Variants in PCED1B observed in about 807,000 individuals in gnomAD.
PCED1B encodes PC-esterase domain containing 1B, also known as PC-esterase domain-containing protein 1B.
For synonymous variants in PCED1B, 251 were observed against 246.1 expected (o/e 1.02, Z -0.19); for missense variants, 573 against 573.9 (o/e 1.00, Z 0.02).
At chr12:47,185,687 G>T (rs796643037) in intron 2 of PCED1B, among the ~76,000 whole-genome samples, 1 of 151,830 alleles carries the variant, frequency 6.6e-6, no homozygotes, top group African/African-American at 2.4e-5. Context: ...TATGCAGGAG[G>T]CTGAGGCAGC....
intron 2 of PCED1B, among the ~76,000 whole-genome samples, chr12:47,124,853 T>C (rs1939823436): frequency 6.6e-6 from 1 of 152,018 alleles, no homozygotes; most frequent in African/African-American, 2.4e-5. Context: ...TTCCCTTTTT[T>C]AAAAAATTGA....
intron 3 of PCED1B, among the ~76,000 whole-genome samples, chr12:47,233,208 A>C (rs1943864657): frequency 6.6e-6 from 1 of 152,084 alleles, no homozygotes; most frequent in South Asian, 2.1e-4. Flanking sequence ...CGCCCACCAC[A>C]ATTTTTGGCA....
At chr12:47,080,541 T>C (rs1937646262) in intron 1 of PCED1B, among the ~76,000 whole-genome samples, 2 of 152,070 alleles carry the variant, frequency 1.3e-5, no homozygotes, top group African/African-American at 2.4e-5. Flanking sequence ...TCCACAGGGA[T>C]ATCTGCTGGG....
intron 3 of PCED1B, among the ~76,000 whole-genome samples, chr12:47,227,852 C>CA (rs941585377): frequency 1.8e-4 from 26 of 144,338 alleles, no homozygotes; most frequent in African/African-American, 4.1e-4. Context: ...GACTCTGACT[C>CA]AAAAAAAAAA....
At position 47,189,007 on chromosome 12, in the gene PCED1B, A is replaced by G. The variant is rs563594548; in HGVS notation, c.-525-27215A>G. Among the ~76,000 whole-genome samples, 27 of 152,322 alleles carry G rather than the reference A, an allele frequency of 1.8e-4. 1 individual carries two copies. The highest frequency in any genetic ancestry group is 6.5e-4 in the African/African-American group (27 of 41,578). Reference sequence around the variant, plus strand: ...TCTCTCCATGTTTACTCAAAGTACCAGAAATATGTAGGGACAGCCTCCACT... The same window carrying G: ...TCTCTCCATGTTTACTCAAAGTACCGGAAATATGTAGGGACAGCCTCCACT... On this transcript the variant is annotated intron_variant, in intron 2 of 3. Transcript: ENST00000546455.
At chr12:47,110,124 C>T (rs755067866) in intron 2 of PCED1B, among the ~76,000 whole-genome samples, 1 of 152,166 alleles carries the variant, frequency 6.6e-6, no homozygotes, top group Admixed American at 6.5e-5. Context: ...GCTTTTTCCT[C>T]TCCTCCTATG....
At chr12:47,194,083 C>G (rs1311400643) in intron 2 of PCED1B, among the ~76,000 whole-genome samples, 1 of 152,178 alleles carries the variant, frequency 6.6e-6, no homozygotes, top group Non-Finnish European at 1.5e-5. Context: ...CAGGAGTGGC[C>G]GCTTGCCCTT....
At chr12:47,093,271 ATTTGT>A in intron 1 of PCED1B, among the ~76,000 whole-genome samples, 1 of 152,018 alleles carries the variant, frequency 6.6e-6, no homozygotes, top group Admixed American at 6.5e-5. Flanking sequence ...ATCAGCATAA[ATTTGT>A]TTTAAGTTTC....
At chr12:47,109,936 T>C (rs921549307) in intron 2 of PCED1B, among the ~76,000 whole-genome samples, 11 of 152,180 alleles carry the variant, frequency 7.2e-5, no homozygotes, top group Non-Finnish European at 1.3e-4. Context: ...TAAACACCTC[T>C]ATGATTCTAA....
chr12:47,157,740 T>C (rs1320013588), intron 2 of PCED1B, among the ~76,000 whole-genome samples: 1 of 152,176 alleles, frequency 6.6e-6, no homozygotes, highest in Non-Finnish European at 1.5e-5. Context: ...CCAGGATCCA[T>C]CTCTGTAACT....
intron 2 of PCED1B, among the ~76,000 whole-genome samples, chr12:47,195,101 C>T (rs980294892): frequency 1.3e-5 from 2 of 151,968 alleles, no homozygotes; most frequent in African/African-American, 2.4e-5. Context: ...GAGGCGGAGG[C>T]GGGTGGATCA....
chr12:47,234,051 G>C (rs531449971), intron 3 of PCED1B, among the ~76,000 whole-genome samples: 4 of 152,074 alleles, frequency 2.6e-5, no homozygotes, highest in Non-Finnish European at 5.9e-5. Flanking sequence ...GCAATGGCGC[G>C]ATCTCAGCTC....
chr12:47,217,434 A>AAAAAAAG (rs1943296939), intron 3 of PCED1B, among the ~76,000 whole-genome samples: 1 of 113,002 alleles, frequency 8.8e-6, no homozygotes, highest in Non-Finnish European at 1.7e-5. Flanking sequence ...AAAGAAGAAA[A>AAAAAAAG]AAAAAGAAAG....
At chr12:47,127,194 T>C (rs1939921889) in intron 2 of PCED1B, among the ~76,000 whole-genome samples, 1 of 152,182 alleles carries the variant, frequency 6.6e-6, no homozygotes, top group East Asian at 1.9e-4. Flanking sequence ...TAAATTTTGA[T>C]ACACATTTAC....
chr12:47,205,156 C>A (rs116447379), intron 2 of PCED1B, among the ~76,000 whole-genome samples: 1 of 152,080 alleles, frequency 6.6e-6, no homozygotes, highest in South Asian at 2.1e-4. Flanking sequence ...GAAAGTGGGG[C>A]GTGCTGATAG....
intron 1 of PCED1B, among the ~76,000 whole-genome samples, chr12:47,081,924 A>T (rs371040213): frequency 2.0e-5 from 3 of 152,230 alleles, no homozygotes; most frequent in African/African-American, 4.8e-5. Flanking sequence ...TTATGCAGAG[A>T]TTACACAGCA....
chr12:47,101,721 C>T (rs74603615), intron 1 of PCED1B, among the ~76,000 whole-genome samples: 2 of 151,972 alleles, frequency 1.3e-5, no homozygotes, highest in African/African-American at 2.4e-5. Flanking sequence ...CTGAGACGGC[C>T]GGATCAGTTG....
chr12:47,216,346 C>T lies in PCED1B; in HGVS notation c.-401C>T, dbSNP rs1284256170. The T allele has an allele frequency of 6.6e-6, 1 of 152,178 alleles. No homozygotes were observed. The highest frequency in any genetic ancestry group is 1.5e-5 in the Non-Finnish European group (1 of 68,042). The allele number at this position is 152,178 out of a possible 1,614,324, so 9.4% of individuals were successfully genotyped here. On this transcript the variant is annotated 5_prime_UTR_variant, in exon 3 of 4. Coordinates refer to ENST00000546455, the MANE Select transcript of PCED1B (RefSeq NM_138371.3). ...AGGTGAAATGAAAACAAGCTCAAAA[C>T]CAAATTCCAGGAAGATGCTGTCTTT...
intron 1 of PCED1B, among the ~76,000 whole-genome samples, chr12:47,086,874 A>G (rs1257566043): frequency 1.3e-5 from 2 of 152,234 alleles, no homozygotes; most frequent in African/African-American, 2.4e-5. Flanking sequence ...CCCTTTAAAA[A>G]ATTGGATTTC....
Sources: allele counts gnomAD v4.1 joint callset (sites outside exome capture counted in the v4.1 genomes callset), GRCh38; gene constraint gnomAD v4.1.1; transcripts MANE v1.5; gene names NCBI Gene and HGNC (gene_info 2026-07-23, HGNC 2026-07-21).